Variants in LPP observed in about 807,000 individuals in gnomAD.
The protein encoded by LPP is LIM domain containing preferred translocation partner in lipoma.
A neutral mutation model predicts 60.4 loss-of-function variants in LPP; 38 were observed. That is an observed-to-expected ratio of 0.63 (90% CI 0.49 to 0.83). The LOEUF (loss-of-function observed/expected upper bound fraction) is 0.83. Ranked by LOEUF, LPP falls within the 40% of genes least tolerant of loss-of-function variation. LPP has a pLI of 0.00. For synonymous variants in LPP, 328 were observed against 290.8 expected (o/e 1.13, Z -1.30); for missense variants, 902 against 783.6 (o/e 1.15, Z -1.80).
At chr3:188,699,332 C>T (rs1021843169) in intron 7 of LPP, among the ~76,000 whole-genome samples, 1 of 152,162 alleles carries the variant, frequency 6.6e-6, no homozygotes, top group Admixed American at 6.5e-5. Context: ...AGACCAGGGC[C>T]CCCTGACTGG....
At chr3:188,825,834 C>A (rs1431675421) in intron 9 of LPP, among the ~76,000 whole-genome samples, 1 of 152,128 alleles carries the variant, frequency 6.6e-6, no homozygotes, top group Non-Finnish European at 1.5e-5. Context: ...GAAATCTCTT[C>A]TCCCATCTTG....
intron 2 of LPP, among the ~76,000 whole-genome samples, chr3:188,240,883 T>A (rs2149459819): frequency 6.6e-6 from 1 of 152,364 alleles, no homozygotes; most frequent in African/African-American, 2.4e-5. Context: ...AGTAATGCTC[T>A]GAAAAAGTTC....
At chr3:188,188,412 G>A (rs777205062) in intron 1 of LPP, among the ~76,000 whole-genome samples, 51 of 152,168 alleles carry the variant, frequency 3.4e-4, no homozygotes, top group Non-Finnish European at 6.3e-4. Flanking sequence ...CTCCTTAAAG[G>A]AGTCCCCAGG....
At chr3:188,667,311 CA>C (rs1218103727) in intron 7 of LPP, among the ~76,000 whole-genome samples, 1 of 151,716 alleles carries the variant, frequency 6.6e-6, no homozygotes, top group African/African-American at 2.4e-5. Flanking sequence ...ACCTCATCTC[CA>C]CTAAAAATAC....
chr3:188,353,419 T>C (rs1420462076), intron 3 of LPP, among the ~76,000 whole-genome samples: 2 of 152,246 alleles, frequency 1.3e-5, no homozygotes, highest in Non-Finnish European at 2.9e-5. Context: ...TAGATTTTGT[T>C]AAGAATTCTT....
intron 4 of LPP, among the ~76,000 whole-genome samples, chr3:188,457,842 G>A (rs1798102356): frequency 6.6e-6 from 1 of 151,992 alleles, no homozygotes. Context: ...CCAGGAGGTG[G>A]AGGTTGCAGT....
At chr3:188,832,801 C>T (rs1351970070) in intron 9 of LPP, among the ~76,000 whole-genome samples, 2 of 152,148 alleles carry the variant, frequency 1.3e-5, no homozygotes, top group Admixed American at 6.5e-5. Flanking sequence ...TGGTCTTCAG[C>T]GGGAGCCTAG....
chr3:188,379,754 T>G (rs992860846), intron 3 of LPP, among the ~76,000 whole-genome samples: 3 of 152,236 alleles, frequency 2.0e-5, no homozygotes, highest in Non-Finnish European at 4.4e-5. Flanking sequence ...TCATCTATGT[T>G]GCAGCATGAT....
At chr3:188,714,019 C>A (rs1712747611) in intron 8 of LPP, among the ~76,000 whole-genome samples, 1 of 152,094 alleles carries the variant, frequency 6.6e-6, no homozygotes, top group African/African-American at 2.4e-5. Context: ...TTTAAAAAAC[C>A]AAGTCGCAGC....
intron 2 of LPP, among the ~76,000 whole-genome samples, chr3:188,249,499 A>C (rs1477129431): frequency 1.3e-5 from 2 of 151,968 alleles, no homozygotes; most frequent in Non-Finnish European, 2.9e-5. Context: ...AAAATATACA[A>C]AAATCTTTGT....
chr3:188,778,229 A>G lies in LPP; in HGVS notation c.1410+17947A>G, dbSNP rs142615531. 2.2e-3 allele frequency among the ~76,000 whole-genome samples: 339 copies of G among 152,288 alleles called. 1 individual carries two copies. The highest frequency in any genetic ancestry group is 7.7e-3 in the African/African-American group (322 of 41,564). ...AGAAATTTTTTTCTCATATGAAGTT[A>G]TGATTAAATTTGTGAATTGCACAAG... On this transcript the variant is annotated intron_variant, in intron 9 of 11. Coordinates refer to ENST00000617246, the MANE Select transcript of LPP (RefSeq NM_001375462.1).
chr3:188,365,355 C>T (rs1044779197), intron 3 of LPP, among the ~76,000 whole-genome samples: 1 of 152,318 alleles, frequency 6.6e-6, no homozygotes, highest in Admixed American at 6.5e-5. Flanking sequence ...AGCAACCCTG[C>T]AGTATGTGGT....
chr3:188,690,969 T>C (rs1362465490), intron 7 of LPP, among the ~76,000 whole-genome samples: 3 of 152,200 alleles, frequency 2.0e-5, no homozygotes, highest in Admixed American at 2.0e-4. Flanking sequence ...AGACCCTTTC[T>C]TTCTTCCTTT....
chr3:188,239,022 TAAATC>T (rs377578679), intron 2 of LPP, among the ~76,000 whole-genome samples: 2 of 152,228 alleles, frequency 1.3e-5, no homozygotes, highest in African/African-American at 4.8e-5. Context: ...AGAATCCACA[TAAATC>T]TAACAAAAGA....
chr3:188,485,745 C>T (rs926898184), intron 5 of LPP, among the ~76,000 whole-genome samples: 6 of 135,722 alleles, frequency 4.4e-5, no homozygotes, highest in Non-Finnish European at 7.6e-5. Context: ...TGCAGTGAGC[C>T]GAGATCGCAC....
intron 2 of LPP, among the ~76,000 whole-genome samples, chr3:188,285,755 C>T (rs554651107): frequency 1.6e-4 from 25 of 152,278 alleles, no homozygotes; most frequent in Admixed American, 9.2e-4. Flanking sequence ...GCCTCCCTCC[C>T]ACAACCCCCA....
chr3:188,564,614 A>G (rs1427456700), intron 6 of LPP, among the ~76,000 whole-genome samples: 2 of 151,924 alleles, frequency 1.3e-5, no homozygotes, highest in African/African-American at 4.8e-5. Context: ...AGGAACCAAG[A>G]TGTGCTTAAA....
intron 2 of LPP, among the ~76,000 whole-genome samples, chr3:188,314,101 T>C (rs926644486): frequency 6.6e-5 from 10 of 152,200 alleles, no homozygotes; most frequent in African/African-American, 9.6e-5. Context: ...ACAACACTTA[T>C]AGCTTTCTTC....
chr3:188,458,919 A>G (rs1432104591), intron 4 of LPP, among the ~76,000 whole-genome samples: 5 of 151,546 alleles, frequency 3.3e-5, no homozygotes. Context: ...TGATGTAGGA[A>G]TGTTATTGGG....
Sources: gnomAD v4.1 joint callset for allele counts (sites outside exome capture counted in the v4.1 genomes callset) on GRCh38, gnomAD v4.1.1 for gene constraint, MANE v1.5 for transcripts, NCBI Gene and HGNC (gene_info 2026-07-23, HGNC 2026-07-21) for gene names.